Variants in PPP2R2B observed in about 807,000 individuals in gnomAD.
The protein encoded by PPP2R2B is serine/threonine-protein phosphatase 2A 55 kDa regulatory subunit B beta isoform.
A neutral mutation model predicts 46.0 loss-of-function variants in PPP2R2B; 5 were observed. The observed-to-expected ratio is 0.11, with a 90% CI of 0.06 to 0.23. PPP2R2B has a LOEUF of 0.23. Ranked by LOEUF, PPP2R2B falls within the 10% of genes least tolerant of loss-of-function variation. PPP2R2B has a pLI of 1.00. For missense variants in PPP2R2B, 367 were observed against 575.0 expected, an observed-to-expected ratio of 0.64 and a Z score of 3.70; for synonymous variants, 215 against 206.7, an observed-to-expected ratio of 1.04 and a Z score of -0.34.
chr5:146,827,456 G>A (rs1758652952), intron 2 of PPP2R2B, among the ~76,000 whole-genome samples: 1 of 151,956 alleles, frequency 6.6e-6, no homozygotes, highest in Non-Finnish European at 1.5e-5. Context: ...AATGTCTTAT[G>A]TAAAGACTGA....
At chr5:146,917,478 C>T (rs319163) in intron 1 of PPP2R2B, among the ~76,000 whole-genome samples, 4,606 of 152,246 alleles carry the variant, frequency 0.03, 218 homozygotes, top group African/African-American at 0.1. Flanking sequence ...GTTTATTCTG[C>T]TCATTGGTGT....
At chr5:146,900,239 A>G (rs994032949) in intron 1 of PPP2R2B, among the ~76,000 whole-genome samples, 2 of 152,224 alleles carry the variant, frequency 1.3e-5, no homozygotes, top group African/African-American at 4.8e-5. Context: ...TGTCAAAAAT[A>G]AGTGCCACAG....
chr5:146,681,399 C>A (rs1199676228), intron 5 of PPP2R2B, among the ~76,000 whole-genome samples: 1 of 152,138 alleles, frequency 6.6e-6, no homozygotes, highest in Non-Finnish European at 1.5e-5. Context: ...CCTGCACGCA[C>A]CCACACATGC....
intron 2 of PPP2R2B, among the ~76,000 whole-genome samples, chr5:146,823,543 T>A (rs1447461630): frequency 6.6e-6 from 1 of 152,030 alleles, no homozygotes; most frequent in Non-Finnish European, 1.5e-5. Context: ...GAACGTGCAC[T>A]GAGATGGGAA....
chr5:147,065,775 G>A (rs975521838), intron 2 of PPP2R2B, among the ~76,000 whole-genome samples: 5 of 152,116 alleles, frequency 3.3e-5, no homozygotes, highest in South Asian at 2.1e-4. Context: ...TGATTCTTGG[G>A]TGTTTGGGAG....
At chr5:146,647,868 T>C (rs1160818516) in intron 6 of PPP2R2B, among the ~76,000 whole-genome samples, 2 of 152,206 alleles carry the variant, frequency 1.3e-5, no homozygotes, top group Non-Finnish European at 1.5e-5. Flanking sequence ...GCAAAATCTG[T>C]AGGCAGGCCC....
At chr5:146,838,645 T>C (rs1390704166) in intron 2 of PPP2R2B, among the ~76,000 whole-genome samples, 1 of 149,660 alleles carries the variant, frequency 6.7e-6, no homozygotes, top group Non-Finnish European at 1.5e-5. Context: ...AAGGAAAGCA[T>C]ACAAAAAGAG....
chr5:146,762,129 C>G (rs1754203685), intron 2 of PPP2R2B, among the ~76,000 whole-genome samples: 1 of 152,162 alleles, frequency 6.6e-6, no homozygotes, highest in African/African-American at 2.4e-5. Flanking sequence ...ATACAACATG[C>G]TCTTGGGACT....
rs745793976 is a variant in PPP2R2B at position 146,698,079 on chromosome 5, G to C, written c.234C>G (p.Pro78=). ...CTAAACTCTTCAGGTAATCGAACTC[G>C]GGTTCATGGCTCTGGAATGTGCTGT... The part of the protein sequence containing the change: ...NVYSTFQSHE[P]EFDYLKSLEI... Residue 78 remains proline (P), a synonymous_variant, in exon 4 of 10, where the codon CCC becomes CCG. Coordinates refer to ENST00000394411, the MANE Select transcript of PPP2R2B (RefSeq NM_181675.4). 3 of 1,612,184 alleles carry C rather than the reference G, an allele frequency of 1.9e-6. No individual in the cohort carries two copies. The highest frequency in any genetic ancestry group is 2.5e-6 in the Non-Finnish European group (3 of 1,179,356).
chr5:146,839,993 TACAA>T (rs1342159219), intron 2 of PPP2R2B, among the ~76,000 whole-genome samples: 3 of 152,236 alleles, frequency 2.0e-5, no homozygotes, highest in African/African-American at 7.2e-5. Context: ...GGGCAAATAG[TACAA>T]ACAGAGGAAA....
In PPP2R2B at chr5:147,017,545, C is replaced by T. The variant is rs1561579263; in HGVS notation, c.79+38120G>A. On this transcript the variant is annotated intron_variant, in intron 1 of 8. Transcript: ENST00000336640. The stretch of plus-strand genomic sequence containing the variant: ...ATTCTGGTGAACACAGCATTTAAAG[C>T]AGAGGAGGAGGAGCCTACAGAGGAA... 2.6e-5 allele frequency among the ~76,000 whole-genome samples: 4 copies of T among 151,394 alleles called. No individual in the cohort carries two copies. The South Asian group carries it at 8.4e-4, about 32-fold the overall frequency.
chr5:146,865,732 T>C (rs2151401140), intron 2 of PPP2R2B, among the ~76,000 whole-genome samples: 1 of 152,278 alleles, frequency 6.6e-6, no homozygotes, highest in Admixed American at 6.5e-5. Flanking sequence ...ATTCATTCCA[T>C]TACATCTCTA....
intron 2 of PPP2R2B, among the ~76,000 whole-genome samples, chr5:146,770,257 G>T (rs914373593): frequency 5.4e-5 from 8 of 149,376 alleles, no homozygotes; most frequent in African/African-American, 2.0e-4. Context: ...TTTGAACCAG[G>T]CAGGCGGAGG....
chr5:147,063,663 A>G (rs1462903193), intron 2 of PPP2R2B, among the ~76,000 whole-genome samples: 2 of 152,200 alleles, frequency 1.3e-5, no homozygotes, highest in Non-Finnish European at 2.9e-5. Flanking sequence ...AATATTATGA[A>G]GAGGAACCAA....
intron 2 of PPP2R2B, among the ~76,000 whole-genome samples, chr5:146,871,277 C>T (rs1343676683): frequency 6.6e-6 from 1 of 152,190 alleles, no homozygotes; most frequent in Non-Finnish European, 1.5e-5. Context: ...CCCACAGCTG[C>T]CTCCGTCATA....
intron 2 of PPP2R2B, among the ~76,000 whole-genome samples, chr5:146,719,890 G>T (rs1441987763): frequency 6.6e-6 from 1 of 152,048 alleles, no homozygotes; most frequent in Non-Finnish European, 1.5e-5. Flanking sequence ...CATCAAGCTG[G>T]CATTCCCATA....
intron 4 of PPP2R2B, among the ~76,000 whole-genome samples, chr5:146,695,070 G>A (rs72652845): frequency 0.098 from 14,920 of 152,000 alleles, 999 homozygotes; most frequent in East Asian, 0.35. Flanking sequence ...ATACTATGTG[G>A]TCATTATGAT....
At chr5:146,638,230 C>T (rs745559068) in intron 7 of PPP2R2B, 21 bp downstream of exon 7, 8 of 1,608,238 alleles carry the variant, frequency 5.0e-6, no homozygotes, top group Middle Eastern at 1.7e-4. Context: ...TGCCCCCCAC[C>T]TCCCTTCAGT....
At chr5:146,911,155 C>T (rs1228719141) in intron 1 of PPP2R2B, among the ~76,000 whole-genome samples, 1 of 151,552 alleles carries the variant, frequency 6.6e-6, no homozygotes, top group East Asian at 1.9e-4. Context: ...GTGATCTCAG[C>T]TCACTGCAAT....
Sources: allele counts gnomAD v4.1 joint callset (sites outside exome capture counted in the v4.1 genomes callset), GRCh38; gene constraint gnomAD v4.1.1; transcripts MANE v1.5; gene names NCBI Gene and HGNC (gene_info 2026-07-23, HGNC 2026-07-21).